Variants in KHDRBS2 observed in about 807,000 individuals in gnomAD.
KHDRBS2 encodes KH domain-containing, RNA-binding, signal transduction-associated protein 2.
Under a neutral mutation model 44.3 loss-of-function variants are expected in KHDRBS2, and 26 were observed. The ratio of observed to expected loss-of-function variants is 0.59; its 90% confidence interval spans 0.43 to 0.81. The LOEUF is 0.81. KHDRBS2 is among the 40% of genes least tolerant of loss of function. The pLI is 0.00. For synonymous variants in KHDRBS2, 194 were observed against 151.1 expected, an observed-to-expected ratio of 1.28 and a Z score of -2.08; for missense variants, 476 against 433.1, an observed-to-expected ratio of 1.10 and a Z score of -0.88.
At chr6:61,952,942 T>C (rs1285437346) in intron 4 of KHDRBS2, among the ~76,000 whole-genome samples, 6 of 152,078 alleles carry the variant, frequency 3.9e-5, no homozygotes, top group Non-Finnish European at 8.8e-5. Flanking sequence ...GTTCCTGTAA[T>C]ATGGTTTCTT....
At chr6:61,818,306 A>G (rs1221157176) in intron 6 of KHDRBS2, among the ~76,000 whole-genome samples, 5 of 150,772 alleles carry the variant, frequency 3.3e-5, no homozygotes, top group African/African-American at 1.2e-4. Flanking sequence ...ATGCAGAGAC[A>G]GGGGAAGAGA....
At chr6:61,560,782 T>A in the KHDRBS2 span, among the ~76,000 whole-genome samples, 1 of 152,178 alleles carries the variant, frequency 6.6e-6, no homozygotes, top group African/African-American at 2.4e-5. Context: ...TTCTGAAAGG[T>A]CACTTATCTC....
intron 4 of KHDRBS2, among the ~76,000 whole-genome samples, chr6:61,950,998 C>T (rs911898187): frequency 1.4e-4 from 22 of 151,904 alleles, no homozygotes; most frequent in Admixed American, 5.3e-4. Flanking sequence ...TTATATTTTT[C>T]CTTCCAGGGA....
chr6:62,101,550 G>A (rs1013734318), intron 2 of KHDRBS2, among the ~76,000 whole-genome samples: 2 of 152,160 alleles, frequency 1.3e-5, no homozygotes, highest in African/African-American at 4.8e-5. Context: ...GATGACAGAG[G>A]CTCAGACAAG....
intron 6 of KHDRBS2, among the ~76,000 whole-genome samples, chr6:61,888,397 A>G (rs891560715): frequency 6.6e-6 from 1 of 152,216 alleles, no homozygotes; most frequent in South Asian, 2.1e-4. Flanking sequence ...AGAGCTGAAC[A>G]TAAAAACATG....
chr6:61,946,929 C>T (rs112579248), intron 4 of KHDRBS2, among the ~76,000 whole-genome samples: 35 of 152,288 alleles, frequency 2.3e-4, no homozygotes, highest in Non-Finnish European at 3.2e-4. Context: ...CAAGATTCAG[C>T]GGTCGTCCTT....
chr6:62,134,121 C>A (rs1562936569), intron 2 of KHDRBS2, among the ~76,000 whole-genome samples: 1 of 152,128 alleles, frequency 6.6e-6, no homozygotes, highest in African/African-American at 2.4e-5. Context: ...TTGTCAGAGA[C>A]CTTTCCAGCA....
At chr6:61,871,072 G>A (rs954205215) in intron 6 of KHDRBS2, among the ~76,000 whole-genome samples, 9 of 152,268 alleles carry the variant, frequency 5.9e-5, no homozygotes, top group African/African-American at 2.2e-4. Flanking sequence ...AGCTAAAGGA[G>A]CATGTTCTAA....
intron 4 of KHDRBS2, among the ~76,000 whole-genome samples, chr6:61,926,985 T>G (rs1032352909): frequency 2.0e-5 from 3 of 152,076 alleles, no homozygotes; most frequent in African/African-American, 7.2e-5. Flanking sequence ...TATTCACCAC[T>G]TCCATTATCC....
At position 62,146,645 on chromosome 6, in the gene KHDRBS2, T is replaced by C. The variant is rs571194262; in HGVS notation, c.219+30540A>G. On this transcript the variant is annotated intron_variant, in intron 2 of 8. Transcript: ENST00000281156. ...TCTTATCCACAGGGTAATAGATTTA[T>C]TTTTTTAAATAAAAATAAAGGAAGC... is the stretch of plus-strand genomic sequence containing the variant. 1.4e-3 allele frequency among the ~76,000 whole-genome samples: 216 copies of C among 151,912 alleles called. 1 individual carries two copies. The highest frequency in any genetic ancestry group is 5.0e-3 in the African/African-American group (206 of 41,518).
At chr6:62,039,184 T>A (rs1408149102) in intron 3 of KHDRBS2, among the ~76,000 whole-genome samples, 1 of 151,742 alleles carries the variant, frequency 6.6e-6, no homozygotes, top group Non-Finnish European at 1.5e-5. Flanking sequence ...CAACTATGGG[T>A]GTTTTATGTG....
chr6:62,080,794 C>T (rs1372407046), intron 2 of KHDRBS2, among the ~76,000 whole-genome samples: 1 of 151,988 alleles, frequency 6.6e-6, no homozygotes, highest in Non-Finnish European at 1.5e-5. Context: ...AATTCAAGCA[C>T]CTGGAGAGTA....
intron 2 of KHDRBS2, among the ~76,000 whole-genome samples, chr6:62,061,882 C>T (rs1044157546): frequency 6.6e-6 from 1 of 150,976 alleles, no homozygotes; most frequent in Non-Finnish European, 1.5e-5. Context: ...TCTTTTTATT[C>T]TTTTTTCTCT....
intron 6 of KHDRBS2, among the ~76,000 whole-genome samples, chr6:61,835,026 C>A (rs1792428935): frequency 6.6e-6 from 1 of 151,996 alleles, no homozygotes; most frequent in African/African-American, 2.4e-5. Flanking sequence ...GGGTTTTCAA[C>A]TGGATATTTT....
At chr6:61,594,939 A>G in the KHDRBS2 span, among the ~76,000 whole-genome samples, 1 of 152,106 alleles carries the variant, frequency 6.6e-6, no homozygotes, top group Admixed American at 6.5e-5. Context: ...TGATAATGAA[A>G]AGGTTTCAGA....
chr6:62,120,450 C>G (rs758990953), intron 2 of KHDRBS2, among the ~76,000 whole-genome samples: 22 of 152,154 alleles, frequency 1.4e-4, no homozygotes, highest in Admixed American at 2.6e-4. Flanking sequence ...ACCACAGTCA[C>G]TCAATTAGAA....
chr6:61,910,622 T>C (rs554172994), intron 4 of KHDRBS2, among the ~76,000 whole-genome samples: 5 of 152,294 alleles, frequency 3.3e-5, no homozygotes, highest in African/African-American at 1.2e-4. Flanking sequence ...TTATTTTCTA[T>C]CTTGTTTTAT....
intron 3 of KHDRBS2, among the ~76,000 whole-genome samples, chr6:62,041,352 T>A (rs192673673): frequency 1.7e-4 from 26 of 151,868 alleles, no homozygotes; most frequent in East Asian, 5.9e-4. Context: ...GAAAAAAAAA[T>A]TTCAGATCAG....
At chr6:61,692,706 T>G (rs920634492) in intron 8 of KHDRBS2, among the ~76,000 whole-genome samples, 1 of 152,106 alleles carries the variant, frequency 6.6e-6, no homozygotes, top group Non-Finnish European at 1.5e-5. Context: ...TTATTTCAAA[T>G]CATTTCTAGA....
Sources: allele counts gnomAD v4.1 joint callset (sites outside exome capture counted in the v4.1 genomes callset), GRCh38; gene constraint gnomAD v4.1.1; transcripts MANE v1.5; gene names NCBI Gene and HGNC (gene_info 2026-07-23, HGNC 2026-07-21).